MTF2: variants seen among roughly 807,000 people sequenced by gnomAD.
The protein encoded by MTF2 is metal response element binding transcription factor 2.
MTF2 carries 11 observed loss-of-function variants against 79.5 expected under a neutral mutation model. That is an observed-to-expected ratio of 0.14 (90% CI 0.09 to 0.23). The LOEUF (loss-of-function observed/expected upper bound fraction) is 0.23. Among genes scored for constraint, MTF2 ranks in the 10% least tolerant of loss-of-function variants. The pLI, the probability that MTF2 is intolerant of heterozygous loss-of-function variation, is 1.00. For missense variants in MTF2, 486 were observed against 711.2 expected (o/e 0.68, Z 3.60); for synonymous variants, 208 against 232.8 (o/e 0.89, Z 0.97).
rs1336785055 is a variant in MTF2 at position 93,115,456 on chromosome 1, T to C, written c.484-14T>C. ...TAGCCTTCACTCTTTCACATTTTTTTCCCTCTAATGTAGAGGGGTGGTGCA... is the reference window on the plus strand; with the variant it reads ...TAGCCTTCACTCTTTCACATTTTTTCCCCTCTAATGTAGAGGGGTGGTGCA... On this transcript the variant is annotated splice_polypyrimidine_tract_variant and intron_variant, in intron 5 of 14. Coordinates refer to ENST00000370298, the MANE Select transcript of MTF2 (RefSeq NM_007358.4). 1 of 1,531,868 alleles carries C rather than the reference T, an allele frequency of 6.5e-7. No homozygotes were observed. Among genetic ancestry groups the C allele is most frequent in the Non-Finnish European group, 8.8e-7 (1 of 1,138,816 alleles). The allele number at this position is 1,531,868 out of a possible 1,614,324, so 94.9% of individuals were successfully genotyped here. A position where few individuals can be genotyped will look rare whatever the true frequency, so the allele number is the denominator to read the frequency against.
intron 11 of MTF2, among the ~76,000 whole-genome samples, chr1:93,130,441 G>A (rs1557560615): frequency 6.6e-6 from 1 of 152,142 alleles, no homozygotes. Flanking sequence ...GCCGGGCATG[G>A]TGGCTTTTGC....
At chr1:93,101,118 C>T (rs926950342) in intron 1 of MTF2, among the ~76,000 whole-genome samples, 1 of 152,112 alleles carries the variant, frequency 6.6e-6, no homozygotes, top group South Asian at 2.1e-4. Flanking sequence ...TTCCCTAAAC[C>T]ACACTATTTC....
At chr1:93,125,534 T>G (rs1353522419) in intron 9 of MTF2, among the ~76,000 whole-genome samples, 1 of 152,048 alleles carries the variant, frequency 6.6e-6, no homozygotes, top group African/African-American at 2.4e-5. Flanking sequence ...CCTTCAATTC[T>G]AGAAGGATGA....
intron 1 of MTF2, among the ~76,000 whole-genome samples, chr1:93,101,044 T>C (rs1655509080): frequency 6.6e-6 from 1 of 152,210 alleles, no homozygotes; most frequent in South Asian, 2.1e-4. Context: ...AGAATTGAGA[T>C]AGTTCTTTAT....
chr1:93,082,250 TAGTG>T (rs1654636959), intron 1 of MTF2, among the ~76,000 whole-genome samples: 1 of 151,444 alleles, frequency 6.6e-6, no homozygotes, highest in Admixed American at 6.6e-5. Context: ...CAGAATAGAA[TAGTG>T]AGCTTTTATG....
intron 1 of MTF2, among the ~76,000 whole-genome samples, chr1:93,088,612 C>A (rs762324163): frequency 6.6e-6 from 1 of 152,132 alleles, no homozygotes; most frequent in Non-Finnish European, 1.5e-5. Context: ...CTTGCCCAGG[C>A]GGGAATGCAG....
Position 93,105,681 on chromosome 1 carries a change from G to T in MTF2, c.6-4549G>T, listed in dbSNP as rs544927117. 7.6e-4 allele frequency among the ~76,000 whole-genome samples: 112 copies of T among 148,142 alleles called. 1 individual carries two copies. Among genetic ancestry groups the T allele is most frequent in the African/African-American group, 2.0e-3 (82 of 40,716 alleles). On this transcript the variant is annotated intron_variant, in intron 1 of 14. Transcript: ENST00000370298. The stretch of plus-strand genomic sequence containing the variant: ...TTGAATGTTGTTTGTGTGTGTGTGT[G>T]TTTTTTTTTTGAGACCAGAGTCTTG...
At chr1:93,127,069 C>T (rs192116498) in intron 9 of MTF2, among the ~76,000 whole-genome samples, 163 bp from the exon 10 acceptor site, 62 of 152,056 alleles carry the variant, frequency 4.1e-4, no homozygotes, top group African/African-American at 1.4e-3. Flanking sequence ...GTTAAATGGC[C>T]CTAGGTCACA....
chr1:93,128,111 T>G (rs1656773315), intron 10 of MTF2, among the ~76,000 whole-genome samples: 1 of 152,110 alleles, frequency 6.6e-6, no homozygotes, highest in Non-Finnish European at 1.5e-5. Flanking sequence ...GAAAAAAGAC[T>G]GTAAAAAAGT....
chr1:93,084,704 C>G (rs1654765037), intron 1 of MTF2, among the ~76,000 whole-genome samples: 3 of 152,054 alleles, frequency 2.0e-5, no homozygotes, highest in African/African-American at 7.2e-5. Flanking sequence ...CGAACTTCTT[C>G]TGTTAAATTT....
At chr1:93,117,931 G>C (rs769845581) in intron 6 of MTF2, among the ~76,000 whole-genome samples, 1 of 152,116 alleles carries the variant, frequency 6.6e-6, no homozygotes, top group Non-Finnish European at 1.5e-5. Context: ...AGGCTGAGGT[G>C]GGAGGGTCAC....
chr1:93,109,688 T>C (rs959597910), intron 1 of MTF2, among the ~76,000 whole-genome samples: 8 of 152,180 alleles, frequency 5.3e-5, no homozygotes, highest in Non-Finnish European at 7.4e-5. Context: ...CTCAATGTTT[T>C]TTTTTTTAAA....
intron 1 of MTF2, among the ~76,000 whole-genome samples, chr1:93,103,607 A>G (rs936691779): frequency 6.6e-6 from 1 of 152,104 alleles, no homozygotes; most frequent in Non-Finnish European, 1.5e-5. Flanking sequence ...TGCATGGAGC[A>G]TTTTCATTTT....
At chr1:93,097,412 A>G (rs1451567253) in intron 1 of MTF2, among the ~76,000 whole-genome samples, 1 of 152,168 alleles carries the variant, frequency 6.6e-6, no homozygotes, top group Non-Finnish European at 1.5e-5. Flanking sequence ...TTTGCTCTCA[A>G]TACCACATAA....
chr1:93,120,233 T>C (rs1656418560), intron 8 of MTF2: 1 of 161,042 alleles, frequency 6.2e-6, no homozygotes, highest in Non-Finnish European at 1.3e-5. Flanking sequence ...GGGGCGGAAG[T>C]TGCAGTGAGC....
rs34291057 is a variant in MTF2 at position 93,113,216 on chromosome 1, CA to C, written c.287-1455del. 9.8e-3 allele frequency among the ~76,000 whole-genome samples: 1,051 copies of C among 106,938 alleles called. 9 individuals carry two copies. The highest frequency in any genetic ancestry group is 0.029 in the African/African-American group (817 of 28,454). The allele number at this position is 106,938 out of a possible 152,430, so 70.2% of individuals were successfully genotyped here. On this transcript the variant is annotated intron_variant, in intron 3 of 14. Coordinates refer to ENST00000370298, the MANE Select transcript of MTF2 (RefSeq NM_007358.4). The stretch of plus-strand genomic sequence containing the variant: ...GCAACACAGGGAGATCCTGTCGCTA[CA>C]AAAAAAAAAAAAAAAATAGGCATGG...
At chr1:93,121,704 G>C (rs1466102267) in intron 9 of MTF2, 3 of 951,390 alleles carry the variant, frequency 3.2e-6, no homozygotes, top group Admixed American at 6.2e-5. Context: ...TTAGATATTG[G>C]ATTATCATAC....
intron 11 of MTF2, among the ~76,000 whole-genome samples, chr1:93,133,054 G>C (rs1037700477): frequency 2.0e-5 from 3 of 151,114 alleles, no homozygotes; most frequent in African/African-American, 7.3e-5. Flanking sequence ...TTGGTATTTG[G>C]CTTTATGTTT....
chr1:93,128,458 G>A lies in MTF2; in HGVS notation c.990-820G>A, dbSNP rs146791553. On this transcript the variant is annotated intron_variant, in intron 10 of 14. Transcript: ENST00000370298. ...TGTATTCCCAGCTACTTAGGAGGCT[G>A]AAGCAGGAGAATCGCTTGAACCCGG... 7.5e-3 allele frequency among the ~76,000 whole-genome samples: 1,141 copies of A among 151,452 alleles called. 6 individuals are homozygous for A. The highest frequency in any genetic ancestry group is 0.012 in the Admixed American group (175 of 15,164).
Sources: allele counts gnomAD v4.1 joint callset (sites outside exome capture counted in the v4.1 genomes callset), GRCh38; gene constraint gnomAD v4.1.1; transcripts MANE v1.5; gene names NCBI Gene and HGNC (gene_info 2026-07-23, HGNC 2026-07-21).